VSTM2L: variants seen among roughly 807,000 people sequenced by gnomAD.
VSTM2L encodes V-set and transmembrane domain-containing protein 2-like protein.
VSTM2L carries 9 observed loss-of-function variants against 19.9 expected under a neutral mutation model. That is an observed-to-expected ratio of 0.45 (90% CI 0.27 to 0.79). The LOEUF (loss-of-function observed/expected upper bound fraction) is 0.79. VSTM2L is among the 30% of genes least tolerant of loss of function. The pLI is 0.15. For synonymous variants in VSTM2L, 127 were observed against 133.8 expected (o/e 0.95, Z 0.35); for missense variants, 286 against 295.5 (o/e 0.97, Z 0.24).
chr20:37,916,917 G>T (rs528514522), intron 1 of VSTM2L, among the ~76,000 whole-genome samples: 4 of 152,204 alleles, frequency 2.6e-5, no homozygotes, highest in Non-Finnish European at 5.9e-5. Flanking sequence ...GGTTAGGGGA[G>T]AGTGGGGAGT....
chr20:37,903,360 C>A lies in VSTM2L; in HGVS notation c.10C>A (p.Pro4Thr). The change falls in exon 1 of 4, where the codon CCG (proline) becomes ACG (threonine). Residue 4 changes from proline (P) to threonine (T), a missense_variant. By Grantham distance (38) the Pro-to-Thr change is conservative. Transcript: ENST00000373461. Reference protein sequence around the residue: MGAPLAVALGALHY... With the variant: MGATLAVALGALHY... Reference sequence around the variant, plus strand: ...GGCCCGAGAGCGCACGATGGGGGCCCCGCTCGCCGTAGCGCTGGGCGCCCT... The same window carrying A: ...GGCCCGAGAGCGCACGATGGGGGCCACGCTCGCCGTAGCGCTGGGCGCCCT... 6.8e-7 allele frequency: 1 copy of A among 1,470,326 alleles called. No homozygotes were observed. The allele number at this position is 1,470,326 out of a possible 1,614,324, so 91.1% of individuals were successfully genotyped here.
Position 37,944,479 on chromosome 20 carries a change from C to G in VSTM2L, c.*226C>G. The stretch of plus-strand genomic sequence containing the variant: ...GTGACCTGGCTCGGAGAAGGTGGCC[C>G]TGGGCACCAAGGGGCCAACCGCCCT... On this transcript the variant is annotated 3_prime_UTR_variant, in exon 4 of 4. Transcript: ENST00000373461. The G allele has an allele frequency of 1.6e-6, 2 of 1,259,088 alleles. No individual in the cohort carries two copies. The highest frequency in any genetic ancestry group is 2.0e-6 in the Non-Finnish European group (2 of 1,003,708). The allele number at this position is 1,259,088 out of a possible 1,614,324, so 78.0% of individuals were successfully genotyped here. A position where few individuals can be genotyped will look rare whatever the true frequency, so the allele number is the denominator to read the frequency against.
At chr20:37,939,949 G>A (rs954072417) in intron 3 of VSTM2L, among the ~76,000 whole-genome samples, 2 of 152,164 alleles carry the variant, frequency 1.3e-5, no homozygotes, top group Non-Finnish European at 2.9e-5. Context: ...TTGGCAGAGG[G>A]GGTGACAGGG....
At chr20:37,915,365 G>T (rs1441539150) in intron 1 of VSTM2L, among the ~76,000 whole-genome samples, 1 of 152,154 alleles carries the variant, frequency 6.6e-6, no homozygotes, top group Non-Finnish European at 1.5e-5. Flanking sequence ...CAAGGTCCTG[G>T]GGTGGGGCCC....
At chr20:37,921,533 G>C (rs569857832) in intron 1 of VSTM2L, among the ~76,000 whole-genome samples, 2 of 152,310 alleles carry the variant, frequency 1.3e-5, no homozygotes, top group South Asian at 4.1e-4. Flanking sequence ...TAGCTGCCGG[G>C]ACATGGCAGT....
intron 1 of VSTM2L, among the ~76,000 whole-genome samples, chr20:37,906,675 A>G (rs926705273): frequency 6.6e-6 from 1 of 152,236 alleles, no homozygotes; most frequent in Non-Finnish European, 1.5e-5. Context: ...ATGAAGATGC[A>G]TCTGGCAGCT....
chr20:37,905,975 T>C (rs2072750015), intron 1 of VSTM2L, among the ~76,000 whole-genome samples: 1 of 150,682 alleles, frequency 6.6e-6, no homozygotes, highest in Non-Finnish European at 1.5e-5. Context: ...GATCATTTCA[T>C]TATTCCTGGG....
At chr20:37,935,963 C>T (rs2072937459) in intron 3 of VSTM2L, among the ~76,000 whole-genome samples, 1 of 150,268 alleles carries the variant, frequency 6.7e-6, no homozygotes, top group Non-Finnish European at 1.5e-5. Flanking sequence ...TGGCTCATTG[C>T]AACCTCCGCC....
At position 37,944,268 on chromosome 20, in the gene VSTM2L, C is replaced by G. The variant is rs1461967181; in HGVS notation, c.*15C>G. 1.4e-6 allele frequency: 2 copies of G among 1,472,548 alleles called. No individual in the cohort carries two copies. The highest frequency in any genetic ancestry group is 4.5e-5 in the Admixed American group (2 of 44,150). 91.2% of individuals were successfully genotyped at this position (1,472,548 alleles called of 1,614,324 possible). ...GCAGCCTCTAGACTGATGCCCCTGC[C>G]CCCGCCCATCCGCCCCCACGCTGTA... is the stretch of plus-strand genomic sequence containing the variant. On this transcript the variant is annotated 3_prime_UTR_variant, in exon 4 of 4. Transcript: ENST00000373461.
chr20:37,929,984 T>A (rs1277457025), intron 1 of VSTM2L, among the ~76,000 whole-genome samples: 1 of 152,104 alleles, frequency 6.6e-6, no homozygotes, highest in Non-Finnish European at 1.5e-5. Context: ...CCCCACACCA[T>A]CCCTCGCAAA....
intron 1 of VSTM2L, among the ~76,000 whole-genome samples, chr20:37,906,165 C>T (rs1193615883): frequency 6.6e-6 from 1 of 152,144 alleles, no homozygotes; most frequent in Non-Finnish European, 1.5e-5. Context: ...CGCCGGGCTC[C>T]TGCCTTCCAC....
chr20:37,905,501 C>T (rs1343617423), intron 1 of VSTM2L, among the ~76,000 whole-genome samples: 1 of 152,200 alleles, frequency 6.6e-6, no homozygotes, highest in East Asian at 1.9e-4. Flanking sequence ...CTCCCCTCTG[C>T]ACCCTGGAAG....
At chr20:37,933,703 GA>G in intron 3 of VSTM2L, 114 bp downstream of exon 3, 1 of 1,030,318 alleles carries the variant, frequency 9.7e-7, no homozygotes, top group Non-Finnish European at 1.4e-6. Context: ...TGGAAGAGAA[GA>G]AAAAGAGAAG....
intron 2 of VSTM2L, among the ~76,000 whole-genome samples, chr20:37,932,363 G>A (rs192648155): frequency 4.6e-5 from 7 of 152,256 alleles, no homozygotes; most frequent in African/African-American, 1.7e-4. Flanking sequence ...TGCCTGGTGT[G>A]CAGCGTGCTC....
chr20:37,913,588 G>C (rs2072792741), intron 1 of VSTM2L, among the ~76,000 whole-genome samples: 1 of 152,236 alleles, frequency 6.6e-6, no homozygotes, highest in South Asian at 2.1e-4. Flanking sequence ...TGCATAGGCA[G>C]GTGGGCCAAG....
At chr20:37,932,506 G>A (rs527903877) in intron 2 of VSTM2L, among the ~76,000 whole-genome samples, 91 of 152,178 alleles carry the variant, frequency 6.0e-4, no homozygotes, top group Middle Eastern at 3.4e-3. Flanking sequence ...CCAATGACCC[G>A]CAAAGTTGGA....
chr20:37,938,162 G>A (rs1468246593), intron 3 of VSTM2L, among the ~76,000 whole-genome samples: 1 of 152,094 alleles, frequency 6.6e-6, no homozygotes, highest in Non-Finnish European at 1.5e-5. Flanking sequence ...CCAGTGCTGA[G>A]GGATGTGGAT....
chr20:37,945,187 A>G lies in VSTM2L; in HGVS notation c.*934A>G. ...GGTTATTTGTAAATATTTCTATTGG[A>G]CCCAATTCTCCTCGGAATTGGCTGG... On this transcript the variant is annotated 3_prime_UTR_variant, in exon 4 of 4. Transcript: ENST00000373461. 5 of 985,220 alleles carry G rather than the reference A, an allele frequency of 5.1e-6. No homozygotes were observed. Among genetic ancestry groups the G allele is most frequent in the Non-Finnish European group, 6.0e-6 (5 of 829,876 alleles). The allele number at this position is 985,220 out of a possible 1,614,324, so 61.0% of individuals were successfully genotyped here. A position where few individuals can be genotyped will look rare whatever the true frequency, so the allele number is the denominator to read the frequency against.
At chr20:37,926,539 AAAAAAAGAAAG>A (rs1271758569) in intron 1 of VSTM2L, among the ~76,000 whole-genome samples, 2 of 152,192 alleles carry the variant, frequency 1.3e-5, no homozygotes, top group African/African-American at 4.8e-5. Context: ...GACTCCATCT[AAAAAAAGAAAG>A]AAAAAAGAGA....
Sources: allele counts gnomAD v4.1 joint callset (sites outside exome capture counted in the v4.1 genomes callset), GRCh38; gene constraint gnomAD v4.1.1; transcripts MANE v1.5; gene names NCBI Gene and HGNC (gene_info 2026-07-23, HGNC 2026-07-21).